Variants in UPP2 observed in about 807,000 individuals in gnomAD.
UPP2 encodes the protein UPase 2.
UPP2 carries 23 observed loss-of-function variants against 26.7 expected under a neutral mutation model. The observed-to-expected ratio is 0.86, with a 90% CI of 0.62 to 1.22. The LOEUF is 1.22. UPP2 is among the 50% of genes most tolerant of loss of function. The pLI, the probability that UPP2 is intolerant of heterozygous loss-of-function variation, is 0.00. For synonymous variants in UPP2, 127 were observed against 141.3 expected, an observed-to-expected ratio of 0.90 and a Z score of 0.72; for missense variants, 387 against 396.7, an observed-to-expected ratio of 0.98 and a Z score of 0.21.
At chr2:158,073,137 C>A (rs1398843780) in intron 3 of UPP2, among the ~76,000 whole-genome samples, 2 of 151,996 alleles carry the variant, frequency 1.3e-5, no homozygotes, top group South Asian at 2.1e-4. Context: ...AGAGATTGAA[C>A]TAATTAAAAA....
Position 158,120,615 on chromosome 2 carries a change from A to G in UPP2, c.455-794A>G, listed in dbSNP as rs72922903. Among the ~76,000 whole-genome samples the G allele has an allele frequency of 7.1e-3, 1,076 of 152,182 alleles. 16 individuals carry two copies. Among genetic ancestry groups the G allele is most frequent in the Non-Finnish European group, 0.012 (818 of 67,958 alleles). On this transcript the variant is annotated intron_variant, in intron 4 of 6. Transcript: ENST00000005756. ...GAGAGTCTAGGGCATTTATGAAGAT[A>G]TATCTTCTTATTCAGGCTTTAAATA... is the stretch of plus-strand genomic sequence containing the variant.
rs538096069 is a variant in UPP2 at position 158,051,201 on chromosome 2, G to A, written c.147+35315G>A. ...TGTGTGTGTGTGTGTGTGTGTGTAT[G>A]TGTGTATAATATCTTTCATTTCATA... On this transcript the variant is annotated intron_variant, in intron 3 of 9. Coordinates refer to the UPP2 transcript ENST00000605860. Among the ~76,000 whole-genome samples, 755 of 144,126 alleles carry A rather than the reference G, an allele frequency of 5.2e-3. 1 individual carries two copies. The highest frequency in any genetic ancestry group is 7.3e-3 in the Non-Finnish European group (480 of 65,458). 94.6% of individuals were successfully genotyped at this position (144,126 alleles called of 152,430 possible).
chr2:158,091,967 G>A (rs1022518023), intron 3 of UPP2, among the ~76,000 whole-genome samples: 6 of 152,136 alleles, frequency 3.9e-5, no homozygotes, highest in Non-Finnish European at 8.8e-5. Flanking sequence ...GATACAGGGT[G>A]GAGTAAATAA....
intron 3 of UPP2, among the ~76,000 whole-genome samples, chr2:158,019,373 C>T (rs748300924): frequency 3.9e-5 from 6 of 152,022 alleles, no homozygotes; most frequent in East Asian, 3.9e-4. Context: ...TGCTGGAGGA[C>T]GGAGCGGGGA....
chr2:158,090,827 G>T (rs1211080496), intron 3 of UPP2, among the ~76,000 whole-genome samples: 6 of 152,168 alleles, frequency 3.9e-5, no homozygotes, highest in African/African-American at 7.2e-5. Flanking sequence ...GGCCCAGAGA[G>T]GATCAAACTT....
intron 1 of UPP2, 110 bp downstream of exon 1, chr2:158,102,235 T>G (rs1683091577): frequency 8.7e-7 from 1 of 1,151,440 alleles, no homozygotes; most frequent in South Asian, 1.8e-5. Flanking sequence ...TTCTTAAATG[T>G]AGAGATTATA....
At chr2:158,096,820 G>A (rs6437131) in intron 3 of UPP2, among the ~76,000 whole-genome samples, 18,874 of 151,888 alleles carry the variant, frequency 0.12, 2,518 homozygotes, top group African/African-American at 0.33. Context: ...AAATTTTTAA[G>A]CAGAAGAACC....
At chr2:158,082,182 T>C (rs1187232168) in intron 3 of UPP2, among the ~76,000 whole-genome samples, 2 of 152,154 alleles carry the variant, frequency 1.3e-5, no homozygotes, top group Non-Finnish European at 2.9e-5. Flanking sequence ...ACTCCTGACC[T>C]CAAGTAATCT....
chr2:158,067,181 T>C (rs1364981304), intron 3 of UPP2, among the ~76,000 whole-genome samples: 1 of 151,892 alleles, frequency 6.6e-6, no homozygotes, highest in African/African-American at 2.4e-5. Flanking sequence ...GGATACTTGA[T>C]AATTTGTTTT....
intron 5 of UPP2, among the ~76,000 whole-genome samples, chr2:158,122,882 C>T (rs960306475): frequency 2.0e-5 from 3 of 151,780 alleles, no homozygotes; most frequent in African/African-American, 7.3e-5. Flanking sequence ...GGTGGTGGCA[C>T]GCAGCTCTAA....
chr2:158,100,360 A>G (rs1302125429), upstream of UPP2, among the ~76,000 whole-genome samples: 1 of 152,232 alleles, frequency 6.6e-6, no homozygotes, highest in Non-Finnish European at 1.5e-5. Flanking sequence ...TAATCAACCT[A>G]GTTAATTCAC....
intron 3 of UPP2, among the ~76,000 whole-genome samples, chr2:158,050,787 A>G (rs896328867): frequency 6.6e-6 from 1 of 152,270 alleles, no homozygotes; most frequent in Non-Finnish European, 1.5e-5. Context: ...TCGAAAGCAG[A>G]TAATGTAACT....
chr2:158,126,462 G>A (rs1170194772), intron 6 of UPP2: 1 of 152,132 alleles, frequency 6.6e-6, no homozygotes, highest in African/African-American at 2.4e-5. Context: ...TGGTGCCAGC[G>A]GCTCTTTATC....
At chr2:158,007,349 T>C (rs913225023) in intron 2 of UPP2, among the ~76,000 whole-genome samples, 3 of 152,208 alleles carry the variant, frequency 2.0e-5, no homozygotes, top group Admixed American at 2.0e-4. Context: ...GCCCAAGCTC[T>C]TTCCACTCTG....
chr2:158,109,507 T>C (rs1051226506), intron 2 of UPP2, among the ~76,000 whole-genome samples: 2 of 152,220 alleles, frequency 1.3e-5, no homozygotes, highest in African/African-American at 4.8e-5. Context: ...TAAATTGCTG[T>C]TTCCCAGTGT....
chr2:158,102,129 A>G lies in UPP2; in HGVS notation c.62+4A>G. ...CTGACAGGAATACATATGTTGGGTGAGTAATTTTGATTTTGTAAATTTGTT... is the reference window on the plus strand; with the variant it reads ...CTGACAGGAATACATATGTTGGGTGGGTAATTTTGATTTTGTAAATTTGTT... On this transcript the variant is annotated splice_donor_region_variant and intron_variant, in intron 1 of 6. Coordinates refer to ENST00000005756, the MANE Select transcript of UPP2 (RefSeq NM_173355.4). The G allele has an allele frequency of 6.2e-7, 1 of 1,610,066 alleles. No homozygotes were observed. The highest frequency in any genetic ancestry group is 8.5e-7 in the Non-Finnish European group (1 of 1,178,750).
chr2:158,110,232 C>T (rs945046695), intron 2 of UPP2, among the ~76,000 whole-genome samples: 4 of 152,110 alleles, frequency 2.6e-5, no homozygotes, highest in African/African-American at 9.7e-5. Flanking sequence ...TCAATTTCCA[C>T]CTATGAGTGA....
intron 3 of UPP2, chr2:158,065,593 A>G (rs1682421891): frequency 1.6e-5 from 9 of 563,170 alleles, no homozygotes; most frequent in South Asian, 1.4e-4. Flanking sequence ...ATACAAGAAC[A>G]TGAGGATTTC....
At chr2:158,063,175 G>T (rs1399241340) in intron 3 of UPP2, among the ~76,000 whole-genome samples, 1 of 151,790 alleles carries the variant, frequency 6.6e-6, no homozygotes, top group African/African-American at 2.4e-5. Context: ...ACCTCATTTA[G>T]GCCCACATCA....
Sources: allele counts gnomAD v4.1 joint callset (sites outside exome capture counted in the v4.1 genomes callset), GRCh38; gene constraint gnomAD v4.1.1; transcripts MANE v1.5; gene names NCBI Gene and HGNC (gene_info 2026-07-23, HGNC 2026-07-21).